Variants in IMMP2L observed in about 807,000 individuals in gnomAD.
IMMP2L encodes inner mitochondrial membrane peptidase subunit 2, also known as mitochondrial inner membrane protease subunit 2.
In IMMP2L, 18 loss-of-function variants were observed where a neutral mutation model predicts 19.3. That is an observed-to-expected ratio of 0.93 (90% CI 0.64 to 1.38). The LOEUF is 1.38. Ranked by LOEUF, IMMP2L falls within the 40% of genes most tolerant of loss-of-function variation. IMMP2L has a pLI of 0.00. For synonymous variants in IMMP2L, 76 were observed against 73.0 expected (o/e 1.04, Z -0.21); for missense variants, 233 against 218.2 (o/e 1.07, Z -0.43).
chr7:110,770,628 G>A (rs569006461), intron 5 of IMMP2L, among the ~76,000 whole-genome samples: 3 of 152,202 alleles, frequency 2.0e-5, no homozygotes, highest in East Asian at 1.9e-4. Flanking sequence ...TACAGCAAAC[G>A]TTCCTATTGA....
chr7:111,351,662 A>C (rs886328579), intron 3 of IMMP2L, among the ~76,000 whole-genome samples: 4 of 152,186 alleles, frequency 2.6e-5, no homozygotes, highest in Non-Finnish European at 5.9e-5. Flanking sequence ...AAATTGTTAA[A>C]TAAGTGGCTA....
intron 3 of IMMP2L, among the ~76,000 whole-genome samples, chr7:111,180,835 A>C (rs1586715837): frequency 6.6e-6 from 1 of 152,148 alleles, no homozygotes; most frequent in East Asian, 1.9e-4. Context: ...AATTGAGAAA[A>C]AATTTGACAG....
chr7:111,155,320 T>C (rs1277538356), intron 3 of IMMP2L, among the ~76,000 whole-genome samples: 1 of 152,052 alleles, frequency 6.6e-6, no homozygotes, highest in Non-Finnish European at 1.5e-5. Flanking sequence ...ATAATAACAT[T>C]CAACTCTGGC....
At chr7:111,421,571 G>GT (rs1040579089) in intron 3 of IMMP2L, among the ~76,000 whole-genome samples, 4 of 151,516 alleles carry the variant, frequency 2.6e-5, no homozygotes, top group Non-Finnish European at 4.4e-5. Context: ...CGCCCGGCCT[G>GT]TTTTTTTCTT....
intron 3 of IMMP2L, among the ~76,000 whole-genome samples, chr7:111,270,173 G>A (rs1056355649): frequency 6.6e-6 from 1 of 151,704 alleles, no homozygotes; most frequent in East Asian, 1.9e-4. Flanking sequence ...TTAAATGGGG[G>A]AAGAGAAAGC....
rs1315821493 is a variant in IMMP2L at position 111,217,126 on chromosome 7, T to TCACACACACACACACA, written c.240-253577_240-253562dup. 1.1e-3 allele frequency among the ~76,000 whole-genome samples: 137 copies of TCACACACACACACACA among 124,052 alleles called. 2 individuals carry two copies. Among genetic ancestry groups the TCACACACACACACACA allele is most frequent in the African/African-American group, 4.2e-3 (132 of 31,802 alleles). 81.4% of individuals were successfully genotyped at this position (124,052 alleles called of 152,430 possible). A position where few individuals can be genotyped will look rare whatever the true frequency, so the allele number is the denominator to read the frequency against. On this transcript the variant is annotated intron_variant, in intron 3 of 5. Transcript: ENST00000405709. ...CTCTCTCTCTCTCTCTCTCTCTCTC[T>TCACACACACACACACA]CACACACACACACACACACACACAC...
At chr7:111,418,780 T>C (rs765734514) in intron 3 of IMMP2L, among the ~76,000 whole-genome samples, 1 of 151,844 alleles carries the variant, frequency 6.6e-6, no homozygotes, top group Non-Finnish European at 1.5e-5. Flanking sequence ...ATTGAAGAGA[T>C]TGCTCCTAAA....
intron 3 of IMMP2L, among the ~76,000 whole-genome samples, chr7:111,215,076 T>C (rs1811793104): frequency 6.6e-6 from 1 of 152,168 alleles, no homozygotes; most frequent in Non-Finnish European, 1.5e-5. Context: ...CAGATACCAG[T>C]TTGCCATAGT....
intron 3 of IMMP2L, among the ~76,000 whole-genome samples, chr7:111,381,191 G>A (rs1584881352): frequency 6.6e-6 from 1 of 151,942 alleles, no homozygotes; most frequent in South Asian, 2.1e-4. Context: ...AAGTAGAGAA[G>A]GGCCAGACCA....
At chr7:111,134,593 A>C (rs2129595280) in intron 3 of IMMP2L, among the ~76,000 whole-genome samples, 1 of 152,180 alleles carries the variant, frequency 6.6e-6, no homozygotes, top group Non-Finnish European at 1.5e-5. Flanking sequence ...GAAAAACATA[A>C]AATTTGGAGA....
intron 3 of IMMP2L, among the ~76,000 whole-genome samples, chr7:111,001,366 CTTATA>C (rs1438765780): frequency 1.3e-5 from 2 of 152,026 alleles, no homozygotes; most frequent in Non-Finnish European, 2.9e-5. Flanking sequence ...GTTTTAATAT[CTTATA>C]TTATTGTATT....
At chr7:111,223,845 T>C (rs2129621211) in intron 3 of IMMP2L, among the ~76,000 whole-genome samples, 1 of 152,228 alleles carries the variant, frequency 6.6e-6, no homozygotes, top group East Asian at 1.9e-4. Context: ...AGACCATAGC[T>C]CCTATGTGTA....
intron 5 of IMMP2L, among the ~76,000 whole-genome samples, chr7:110,802,202 G>T (rs1316101503): frequency 1.3e-5 from 2 of 151,984 alleles, no homozygotes; most frequent in African/African-American, 4.8e-5. Context: ...TTAAAAGGAA[G>T]CTTACATTAT....
chr7:110,888,021 T>C (rs929118268), intron 4 of IMMP2L, among the ~76,000 whole-genome samples: 3 of 152,156 alleles, frequency 2.0e-5, no homozygotes, highest in African/African-American at 4.8e-5. Context: ...TTATCTAGGA[T>C]GGTTTTTAAT....
At chr7:111,003,906 T>C (rs1318876362) in intron 3 of IMMP2L, among the ~76,000 whole-genome samples, 1 of 152,206 alleles carries the variant, frequency 6.6e-6, no homozygotes, top group African/African-American at 2.4e-5. Flanking sequence ...TAAAACAAAT[T>C]TTTTTAAAAA....
chr7:111,043,549 G>A (rs1792096196), intron 3 of IMMP2L, among the ~76,000 whole-genome samples: 1 of 151,852 alleles, frequency 6.6e-6, no homozygotes. Context: ...TTTTCTTTAG[G>A]TACAAATTCA....
chr7:111,241,601 A>G (rs1239078511), intron 3 of IMMP2L, among the ~76,000 whole-genome samples: 3 of 151,946 alleles, frequency 2.0e-5, no homozygotes, highest in Admixed American at 1.3e-4. Flanking sequence ...GTTTGACTCA[A>G]GAAAACAAAA....
intron 5 of IMMP2L, among the ~76,000 whole-genome samples, chr7:110,860,708 A>T (rs1464737574): frequency 6.6e-6 from 1 of 152,122 alleles, no homozygotes; most frequent in Non-Finnish European, 1.5e-5. Flanking sequence ...GTTTAAATTT[A>T]TAGCTCCCTT....
At chr7:111,209,594 T>C (rs1021620458) in intron 3 of IMMP2L, among the ~76,000 whole-genome samples, 2 of 152,196 alleles carry the variant, frequency 1.3e-5, no homozygotes, top group South Asian at 4.1e-4. Context: ...AGATAAATAA[T>C]TACCACCTTT....
Sources: gnomAD v4.1 joint callset for allele counts (sites outside exome capture counted in the v4.1 genomes callset) on GRCh38, gnomAD v4.1.1 for gene constraint, MANE v1.5 for transcripts, NCBI Gene and HGNC (gene_info 2026-07-23, HGNC 2026-07-21) for gene names.